GPC5: variants seen among roughly 807,000 people sequenced by gnomAD.
GPC5 encodes glypican-5.
In GPC5, 47 loss-of-function variants were observed where a neutral mutation model predicts 53.9. That is an observed-to-expected ratio of 0.87 (90% confidence interval 0.69 to 1.11). The LOEUF (loss-of-function observed/expected upper bound fraction) is 1.11, where lower values mean the gene tolerates loss of function less well. Among genes scored for constraint, GPC5 ranks in the 50% most tolerant of loss-of-function variants. The pLI is 0.00. For missense variants in GPC5, 748 were observed against 713.1 expected (o/e 1.05, Z -0.56); for synonymous variants, 286 against 263.3 (o/e 1.09, Z -0.84).
chr13:91,442,254 T>C (rs1880493594), intron 1 of GPC5, among the ~76,000 whole-genome samples: 1 of 152,212 alleles, frequency 6.6e-6, no homozygotes, highest in Non-Finnish European at 1.5e-5. Flanking sequence ...CAAAATATTT[T>C]CTTATCACTA....
chr13:91,475,171 C>T (rs1882859363), intron 2 of GPC5, among the ~76,000 whole-genome samples: 1 of 152,048 alleles, frequency 6.6e-6, no homozygotes, highest in African/African-American at 2.4e-5. Flanking sequence ...GTTTTTTATT[C>T]TATCCTTCTC....
chr13:91,516,070 G>A (rs529659559), intron 2 of GPC5, among the ~76,000 whole-genome samples: 1 of 152,066 alleles, frequency 6.6e-6, no homozygotes, highest in Non-Finnish European at 1.5e-5. Flanking sequence ...ACAACACGTG[G>A]GAGTTCAGGG....
At chr13:92,094,448 G>T (rs2041404956) in intron 6 of GPC5, among the ~76,000 whole-genome samples, 1 of 149,454 alleles carries the variant, frequency 6.7e-6, no homozygotes. Context: ...TTGAACCTGG[G>T]AGGCGGAGCT....
chr13:92,755,566 A>AATAG (rs1368575910), intron 7 of GPC5, among the ~76,000 whole-genome samples: 2 of 150,810 alleles, frequency 1.3e-5, no homozygotes, highest in African/African-American at 4.8e-5. Flanking sequence ...GGATCAACAA[A>AATAG]ATAGATAGAC....
chr13:92,613,374 A>AATATATTATATTATATATAAAT (rs1566320227), intron 7 of GPC5, among the ~76,000 whole-genome samples: 16 of 79,222 alleles, frequency 2.0e-4, no homozygotes, highest in Admixed American at 4.3e-4. Flanking sequence ...TTTATATATA[A>AATATATTATATTATATATAAAT]ATATATTATA....
intron 7 of GPC5, among the ~76,000 whole-genome samples, chr13:92,820,611 C>A (rs989237): frequency 0.046 from 6,949 of 152,152 alleles, 548 homozygotes; most frequent in African/African-American, 0.16. Context: ...TCCTGCTTCC[C>A]TCTCCCTTGT....
At chr13:92,081,507 T>G (rs1479580489) in intron 6 of GPC5, among the ~76,000 whole-genome samples, 1 of 149,994 alleles carries the variant, frequency 6.7e-6, no homozygotes, top group African/African-American at 2.5e-5. Flanking sequence ...AAGATCAGAT[T>G]TTTTTTTTAT....
At chr13:92,864,272 T>C (rs1879274301) in intron 7 of GPC5, among the ~76,000 whole-genome samples, 1 of 152,166 alleles carries the variant, frequency 6.6e-6, no homozygotes, top group Admixed American at 6.6e-5. Context: ...CATTTATTTA[T>C]TAGTAACACC....
chr13:92,157,909 A>C (rs1193796388), intron 7 of GPC5, among the ~76,000 whole-genome samples: 2 of 152,208 alleles, frequency 1.3e-5, no homozygotes, highest in East Asian at 3.9e-4. Flanking sequence ...TATACTCATA[A>C]ATTACAGTCT....
chr13:92,736,802 A>C (rs568216628), intron 7 of GPC5, among the ~76,000 whole-genome samples: 1 of 145,398 alleles, frequency 6.9e-6, no homozygotes, highest in African/African-American at 2.6e-5. Context: ...CTATAGCTGT[A>C]GCCTATTTTT....
intron 5 of GPC5, among the ~76,000 whole-genome samples, chr13:91,828,843 C>CA (rs1362912381): frequency 2.6e-5 from 4 of 151,448 alleles, no homozygotes; most frequent in Non-Finnish European, 4.4e-5. Context: ...TTGCAATAAA[C>CA]AAAAAAATGT....
chr13:92,228,793 T>C (rs2042508013), intron 7 of GPC5, among the ~76,000 whole-genome samples: 10 of 151,952 alleles, frequency 6.6e-5, no homozygotes, highest in Admixed American at 6.6e-4. Context: ...AAGAAAGAAC[T>C]TGGGAATTCA....
chr13:91,778,452 C>A (rs1382232876), intron 5 of GPC5, among the ~76,000 whole-genome samples: 1 of 152,188 alleles, frequency 6.6e-6, no homozygotes, highest in East Asian at 1.9e-4. Context: ...CATCTCCATT[C>A]TTTCTGTATG....
At chr13:91,667,108 A>G (rs1313284048) in intron 2 of GPC5, among the ~76,000 whole-genome samples, 1 of 152,192 alleles carries the variant, frequency 6.6e-6, no homozygotes, top group Non-Finnish European at 1.5e-5. Context: ...TTGATAACTT[A>G]CAGTGGTGGA....
intron 3 of GPC5, among the ~76,000 whole-genome samples, chr13:91,705,345 C>T (rs752330675): frequency 6.6e-6 from 1 of 152,136 alleles, no homozygotes; most frequent in African/African-American, 2.4e-5. Flanking sequence ...CTGCTATTCT[C>T]CTTATTCTAT....
intron 5 of GPC5, among the ~76,000 whole-genome samples, chr13:91,793,751 T>C (rs2038005074): frequency 6.6e-6 from 1 of 152,128 alleles, no homozygotes; most frequent in Non-Finnish European, 1.5e-5. Context: ...AGTAGGCACC[T>C]TCCCCACAGG....
At chr13:92,726,757 A>G (rs936037366) in intron 7 of GPC5, among the ~76,000 whole-genome samples, 1 of 151,542 alleles carries the variant, frequency 6.6e-6, no homozygotes, top group East Asian at 1.9e-4. Flanking sequence ...GCTATAAACT[A>G]CATATAAGTG....
chr13:92,194,346 C>A (rs1357984781), intron 7 of GPC5, among the ~76,000 whole-genome samples: 1 of 152,140 alleles, frequency 6.6e-6, no homozygotes, highest in African/African-American at 2.4e-5. Context: ...TGATGCATGC[C>A]ATAGGCTCTC....
chr13:91,676,197 A>G (rs1228062087), intron 2 of GPC5, among the ~76,000 whole-genome samples: 1 of 152,048 alleles, frequency 6.6e-6, no homozygotes, highest in South Asian at 2.1e-4. Context: ...CAGCCTCCCA[A>G]GTAGCTGGGA....
Sources: gnomAD v4.1 joint callset for allele counts (sites outside exome capture counted in the v4.1 genomes callset) on GRCh38, gnomAD v4.1.1 for gene constraint, MANE v1.5 for transcripts, NCBI Gene and HGNC (gene_info 2026-07-23, HGNC 2026-07-21) for gene names.